The following IARS1 variants were observed in gnomAD, a reference collection of about 807,000 sequenced individuals.
IARS1 encodes isoleucyl-tRNA synthetase 1.
A neutral mutation model predicts 168.2 loss-of-function variants in IARS1; 124 were observed. The ratio of observed to expected loss-of-function variants is 0.74; its 90% CI spans 0.64 to 0.86. IARS1 has a LOEUF of 0.86. Ranked by LOEUF, IARS1 falls within the 40% of genes least tolerant of loss-of-function variation. IARS1 has a pLI of 0.00. For synonymous variants in IARS1, 532 were observed against 529.4 expected (o/e 1.00, Z -0.07); for missense variants, 1,452 against 1,515.8 (o/e 0.96, Z 0.70).
At chr9:92,264,187 T>C (rs945468958) in intron 16 of IARS1, among the ~76,000 whole-genome samples, 1 of 151,818 alleles carries the variant, frequency 6.6e-6, no homozygotes, top group Non-Finnish European at 1.5e-5. Context: ...CTACAAAAAT[T>C]AGCTGGGCAT....
intron 31 of IARS1, among the ~76,000 whole-genome samples, chr9:92,224,310 G>T (rs1052191607): frequency 6.6e-6 from 1 of 152,172 alleles, no homozygotes; most frequent in Non-Finnish European, 1.5e-5. Context: ...ATAGTGATGG[G>T]TGGAAATCCT....
chr9:92,278,006 G>T, intron 8 of IARS1, 83 bp from the exon 9 acceptor site: 1 of 1,323,818 alleles, frequency 7.6e-7, no homozygotes, highest in Non-Finnish European at 1.1e-6. Flanking sequence ...ACTCCCCTCT[G>T]GTTTACTGGC....
At chr9:92,237,410 T>A (rs1827699766) in intron 30 of IARS1, among the ~76,000 whole-genome samples, 1 of 152,220 alleles carries the variant, frequency 6.6e-6, no homozygotes, top group South Asian at 2.1e-4. Flanking sequence ...TGGTTTCAAC[T>A]GTATTAATTG....
At chr9:92,241,675 C>T (rs1000438252) in intron 29 of IARS1, among the ~76,000 whole-genome samples, 1 of 152,178 alleles carries the variant, frequency 6.6e-6, no homozygotes. Context: ...AAGCCAATAT[C>T]TTCCCTACCT....
chr9:92,270,333 T>G (rs1210125450), intron 12 of IARS1, among the ~76,000 whole-genome samples: 1 of 152,208 alleles, frequency 6.6e-6, no homozygotes, highest in Non-Finnish European at 1.5e-5. Flanking sequence ...TACAGCATGG[T>G]CTTATATTAA....
intron 10 of IARS1, among the ~76,000 whole-genome samples, chr9:92,272,875 A>AC (rs1833275334): frequency 6.7e-6 from 1 of 149,550 alleles, no homozygotes; most frequent in Non-Finnish European, 1.5e-5. Flanking sequence ...AAAAAAAAAA[A>AC]AAAAAAAAAA....
Position 92,233,361 on chromosome 9 carries a change from T to G in IARS1, c.3284-4235A>C, listed in dbSNP as rs77771233. Among the ~76,000 whole-genome samples the G allele has an allele frequency of 1.4e-3, 211 of 152,358 alleles. 5 individuals carry two copies. The East Asian group carries it at 0.037, about 27-fold the overall frequency. The stretch of plus-strand genomic sequence containing the variant: ...ATTTAACCATGGCCATTTAAAGTCT[T>G]GTCATCCAACGATAGTTAATTGTTT... On this transcript the variant is annotated intron_variant, in intron 30 of 33. Transcript: ENST00000443024.
At chr9:92,248,652 C>CAA (rs886459066) in intron 25 of IARS1, among the ~76,000 whole-genome samples, 2,089 of 46,638 alleles carry the variant, frequency 0.045, 115 homozygotes, top group South Asian at 0.07. Context: ...GACCCTGTCA[C>CAA]AAAAAAAAAA....
chr9:92,292,970 T>G (rs1836615456), intron 1 of IARS1, among the ~76,000 whole-genome samples: 1 of 152,220 alleles, frequency 6.6e-6, no homozygotes, highest in Non-Finnish European at 1.5e-5. Context: ...ACTCAGAAGA[T>G]ACACACAACC....
At position 92,258,898 on chromosome 9, in the gene IARS1, T is replaced by C. The variant is rs1488715131; in HGVS notation, c.1972A>G (p.Asn658Asp). The C allele has an allele frequency of 6.2e-7, 1 of 1,613,850 alleles. No homozygotes were observed. Among genetic ancestry groups the C allele is most frequent in the Non-Finnish European group, 8.5e-7 (1 of 1,179,906 alleles). The change falls in exon 19 of 34, where the codon AAT becomes GAT. Residue 658 changes from asparagine (N) to aspartate (D), a missense_variant. Asn to Asp is a conservative substitution (Grantham distance 23). Coordinates refer to ENST00000443024, the MANE Select transcript of IARS1 (RefSeq NM_002161.6). ...TTCTGGATTAAGAAGCGATAGGCAT[T>C]GTACCATGGGAGCAGTACATCCTTA... is the stretch of plus-strand genomic sequence containing the variant. ...VLKDVLLPWYNAYRFLIQNVL... is the reference protein window; with the variant it reads ...VLKDVLLPWYDAYRFLIQNVL...
At chr9:92,242,650 C>T in intron 28 of IARS1, 1 of 263,380 alleles carries the variant, frequency 3.8e-6, no homozygotes, top group African/African-American at 2.2e-5. Context: ...CAAGCACCCA[C>T]TCATCTGCTG....
intron 25 of IARS1, among the ~76,000 whole-genome samples, chr9:92,249,184 C>T (rs1365940172): frequency 3.9e-5 from 6 of 152,304 alleles, no homozygotes; most frequent in East Asian, 1.9e-4. Flanking sequence ...GCTATTGCTT[C>T]GACTTTTTAC....
chr9:92,236,292 T>C (rs1827515570), intron 30 of IARS1, among the ~76,000 whole-genome samples: 1 of 152,200 alleles, frequency 6.6e-6, no homozygotes, highest in South Asian at 2.1e-4. Context: ...CCTATCTTTT[T>C]TGTTAATACT....
At chr9:92,237,254 C>A (rs72750431) in intron 30 of IARS1, among the ~76,000 whole-genome samples, 4,657 of 152,270 alleles carry the variant, frequency 0.031, 111 homozygotes, top group South Asian at 0.079. Context: ...CCTTTACACT[C>A]AGTTCTATGT....
chr9:92,278,082 T>G, intron 8 of IARS1, 117 bp downstream of exon 8: 1 of 1,072,754 alleles, frequency 9.3e-7, no homozygotes, highest in Non-Finnish European at 1.4e-6. Flanking sequence ...TATTAGTACT[T>G]AAAACTAAAT....
chr9:92,263,654 T>C (rs1019812193), intron 16 of IARS1, among the ~76,000 whole-genome samples: 2 of 152,024 alleles, frequency 1.3e-5, no homozygotes, highest in Non-Finnish European at 2.9e-5. Flanking sequence ...GACCCCATAG[T>C]TAACATAAAC....
At chr9:92,225,008 C>T (rs1437634819) in intron 31 of IARS1, among the ~76,000 whole-genome samples, 2 of 152,144 alleles carry the variant, frequency 1.3e-5, no homozygotes, top group Non-Finnish European at 2.9e-5. Flanking sequence ...GATTTTGCTA[C>T]AGCTGCTACT....
intron 30 of IARS1, among the ~76,000 whole-genome samples, chr9:92,237,683 G>A (rs1827737634): frequency 6.6e-6 from 1 of 152,138 alleles, no homozygotes; most frequent in African/African-American, 2.4e-5. Context: ...TTTGTGTACT[G>A]ACACTTCTAT....
intron 33 of IARS1, among the ~76,000 whole-genome samples, chr9:92,220,884 A>T (rs1422282425): frequency 6.6e-6 from 1 of 152,086 alleles, no homozygotes; most frequent in Non-Finnish European, 1.5e-5. Flanking sequence ...GGATCGCTGG[A>T]TCCCAGGAGT....
Sources: gnomAD v4.1 joint callset for allele counts (sites outside exome capture counted in the v4.1 genomes callset) on GRCh38, gnomAD v4.1.1 for gene constraint, MANE v1.5 for transcripts, NCBI Gene and HGNC (gene_info 2026-07-23, HGNC 2026-07-21) for gene names.